Variants in PTPRM observed in about 807,000 individuals in gnomAD.
PTPRM encodes the protein protein tyrosine phosphatase receptor type M.
Under a neutral mutation model 186.7 loss-of-function variants are expected in PTPRM, and 47 were observed. The observed-to-expected ratio is 0.25, with a 90% CI of 0.20 to 0.32. The LOEUF is 0.32. PTPRM is among the 10% of genes least tolerant of loss of function. The pLI is 1.00. For synonymous variants in PTPRM, 668 were observed against 674.9 expected (o/e 0.99, Z 0.16); for missense variants, 1,494 against 1,865.0 (o/e 0.80, Z 3.66).
intron 7 of PTPRM, among the ~76,000 whole-genome samples, chr18:7,960,474 T>TACACACACACAC (rs1299278137): frequency 1.8e-5 from 2 of 111,296 alleles, no homozygotes; most frequent in African/African-American, 7.9e-5. Context: ...TATATATATA[T>TACACACACACAC]ATATATACAC....
At chr18:7,758,506 A>G (rs1160053982) in intron 1 of PTPRM, among the ~76,000 whole-genome samples, 2 of 152,202 alleles carry the variant, frequency 1.3e-5, no homozygotes, top group Admixed American at 6.5e-5. Context: ...TGTTTAAAGG[A>G]CATACAGTGT....
Position 7,668,750 on chromosome 18 carries a change from C to A in PTPRM, c.73+100859C>A, listed in dbSNP as rs1598337299. On this transcript the variant is annotated intron_variant, in intron 1 of 32. Transcript: ENST00000580170. This position sits in a 1 kb window ranked among gnomAD's most constrained non-coding sequence, Gnocchi z 4.7. ...GTGTCAACTTCTCAGCAAGGCTCAC[C>A]CTGGCCACTGCCACAGAACTGCCAT... is the stretch of plus-strand genomic sequence containing the variant. Among the ~76,000 whole-genome samples, 1 of 152,210 alleles carries A rather than the reference C, an allele frequency of 6.6e-6. No homozygotes were observed. Among genetic ancestry groups the A allele is most frequent in the East Asian group, 1.9e-4 (1 of 5,176 alleles).
intron 5 of PTPRM, among the ~76,000 whole-genome samples, chr18:7,933,197 G>C (rs1568033111): frequency 6.6e-6 from 1 of 152,184 alleles, no homozygotes; most frequent in Non-Finnish European, 1.5e-5. Context: ...CACAGGAGTA[G>C]TGATGATGGC....
At chr18:8,029,231 CCACCTGTCCTGCCTGGAGTGCCTCCCCCA>C (rs1481238364) in intron 7 of PTPRM, among the ~76,000 whole-genome samples, 1 of 145,670 alleles carries the variant, frequency 6.9e-6, no homozygotes, top group Non-Finnish European at 1.5e-5. Context: ...TGCCCCTCCC[CCACCTGTCCTGCCTGGAGTGCCTCCCCCA>C]CACCTGTCCT....
At chr18:7,803,004 A>ATGGG (rs2044051949) in intron 2 of PTPRM, among the ~76,000 whole-genome samples, 1 of 152,148 alleles carries the variant, frequency 6.6e-6, no homozygotes, top group Non-Finnish European at 1.5e-5. Context: ...GGAACCTAAC[A>ATGGG]TGGGTGGTCA....
chr18:7,960,480 T>TATATATATATATATATATATACAC (rs1300573371), intron 7 of PTPRM, among the ~76,000 whole-genome samples: 7 of 86,582 alleles, frequency 8.1e-5, no homozygotes, highest in African/African-American at 3.1e-4. Context: ...TATATATATA[T>TATATATATATATATATATATACAC]ACACACACAC....
At chr18:8,288,772 C>T (rs1445210747) in intron 19 of PTPRM, among the ~76,000 whole-genome samples, 4 of 152,112 alleles carry the variant, frequency 2.6e-5, no homozygotes, top group African/African-American at 7.2e-5. Flanking sequence ...GAGCTGACTA[C>T]CACAGTGCTT....
At chr18:7,827,740 G>C (rs2045558634) in intron 2 of PTPRM, among the ~76,000 whole-genome samples, 1 of 152,148 alleles carries the variant, frequency 6.6e-6, no homozygotes, top group African/African-American at 2.4e-5. Context: ...AACTGGTAGT[G>C]TTCTGATTTC....
At chr18:8,111,328 A>G (rs1169503543) in intron 11 of PTPRM, among the ~76,000 whole-genome samples, 2 of 152,178 alleles carry the variant, frequency 1.3e-5, no homozygotes, top group Admixed American at 1.3e-4. Context: ...AAATTATTAT[A>G]TTGGCCAGGC....
At chr18:8,320,067 C>T (rs1459454748) in intron 22 of PTPRM, among the ~76,000 whole-genome samples, 2 of 152,144 alleles carry the variant, frequency 1.3e-5, no homozygotes, top group Non-Finnish European at 2.9e-5. Context: ...GAGTAAGAAG[C>T]AGAGAAGACC....
At chr18:8,237,598 G>A (rs1015039049) in intron 14 of PTPRM, among the ~76,000 whole-genome samples, 8 of 151,666 alleles carry the variant, frequency 5.3e-5, no homozygotes, top group African/African-American at 1.2e-4. Context: ...ACAAGCATGC[G>A]CCACCATGCC....
intron 29 of PTPRM, among the ~76,000 whole-genome samples, chr18:8,381,038 A>G (rs2095731595): frequency 6.6e-6 from 1 of 152,220 alleles, no homozygotes; most frequent in Admixed American, 6.5e-5. Flanking sequence ...TAATACTGGG[A>G]CTTGGAGATA....
At chr18:7,972,498 GA>G (rs1568105302) in intron 7 of PTPRM, among the ~76,000 whole-genome samples, 3 of 51,808 alleles carry the variant, frequency 5.8e-5, no homozygotes, top group Non-Finnish European at 7.9e-5. Context: ...AAAAAAAGGA[GA>G]GAAACATGGA....
At chr18:8,182,048 T>C (rs2093583047) in intron 14 of PTPRM, among the ~76,000 whole-genome samples, 1 of 152,136 alleles carries the variant, frequency 6.6e-6, no homozygotes, top group South Asian at 2.1e-4. Context: ...ATTTAACTAT[T>C]TTTTTCCTAT....
intron 19 of PTPRM, among the ~76,000 whole-genome samples, chr18:8,273,095 A>C (rs1401801058): frequency 2.0e-5 from 3 of 152,194 alleles, no homozygotes; most frequent in African/African-American, 4.8e-5. Context: ...CTCATAAATA[A>C]CATATAGCTA....
At chr18:8,109,796 G>A (rs1440776688) in intron 11 of PTPRM, among the ~76,000 whole-genome samples, 1 of 152,104 alleles carries the variant, frequency 6.6e-6, no homozygotes, top group Non-Finnish European at 1.5e-5. Context: ...TCACACCTAC[G>A]AGCCAGGTTA....
At chr18:8,238,284 G>A (rs7230383) in intron 14 of PTPRM, among the ~76,000 whole-genome samples, 37,877 of 151,964 alleles carry the variant, frequency 0.25, 5,549 homozygotes, top group African/African-American at 0.41. Flanking sequence ...GACATTTTGT[G>A]TGTTTTTGTT....
chr18:8,253,604 C>T (rs72911294), intron 19 of PTPRM, among the ~76,000 whole-genome samples, 190 bp downstream of exon 19: 29,827 of 151,972 alleles, frequency 0.2, 3,588 homozygotes, highest in Non-Finnish European at 0.26. Flanking sequence ...GTCCAAGTCC[C>T]GGTGTGAGCC....
chr18:8,162,590 T>C (rs2093251725), intron 14 of PTPRM, among the ~76,000 whole-genome samples: 1 of 152,178 alleles, frequency 6.6e-6, no homozygotes, highest in Admixed American at 6.5e-5. Flanking sequence ...GACCACCCGC[T>C]ACCTCCTCAA....
Sources: allele counts gnomAD v4.1 joint callset (sites outside exome capture counted in the v4.1 genomes callset), GRCh38; gene constraint gnomAD v4.1.1; non-coding constraint Gnocchi (gnomAD v3.1); transcripts MANE v1.5; gene names NCBI Gene and HGNC (gene_info 2026-07-23, HGNC 2026-07-21).